SH3PXD2B: variants seen among roughly 807,000 people sequenced by gnomAD.
SH3PXD2B encodes SH3 and PX domains 2B.
A neutral mutation model predicts 73.1 loss-of-function variants in SH3PXD2B; 37 were observed. That is an observed-to-expected ratio of 0.51 (90% CI 0.39 to 0.67). The LOEUF is 0.67. Ranked by LOEUF, SH3PXD2B falls within the 30% of genes least tolerant of loss-of-function variation. The pLI is 0.00. For synonymous variants in SH3PXD2B, 457 were observed against 480.5 expected (o/e 0.95, Z 0.64); for missense variants, 1,053 against 1,197.8 (o/e 0.88, Z 1.78).
At chr5:172,384,039 G>T (rs534269051) in intron 4 of SH3PXD2B, among the ~76,000 whole-genome samples, 1 of 152,016 alleles carries the variant, frequency 6.6e-6, no homozygotes, top group Non-Finnish European at 1.5e-5. Context: ...TAGAGATGGG[G>T]TTTCACCATG....
downstream of SH3PXD2B, among the ~76,000 whole-genome samples, chr5:172,329,788 C>T (rs564146231): frequency 2.6e-5 from 4 of 152,230 alleles, no homozygotes; most frequent in East Asian, 1.9e-4. Context: ...CCGCCCGCCT[C>T]GGCCTCCCAA....
rs2339428 is a variant in SH3PXD2B at position 172,335,571 on chromosome 5, A to C, written c.*2798T>G. 1 of 1,231,616 alleles carries C rather than the reference A, an allele frequency of 8.1e-7. No individual in the cohort carries two copies. Among genetic ancestry groups the C allele is most frequent in the Non-Finnish European group, 1.0e-6 (1 of 987,992 alleles). The allele number at this position is 1,231,616 out of a possible 1,614,324, so 76.3% of individuals were successfully genotyped here. ...CTCACAGGCTTGCCGTAAGGATTAAAGGAGCGTGTGTGTTTAGGCACTGGT... is the reference window on the plus strand; with the variant it reads ...CTCACAGGCTTGCCGTAAGGATTAACGGAGCGTGTGTGTTTAGGCACTGGT... On this transcript the variant is annotated 3_prime_UTR_variant, in exon 13 of 13. Transcript: ENST00000311601.
At chr5:172,354,482 G>A (rs1445386225) in intron 8 of SH3PXD2B, among the ~76,000 whole-genome samples, 2 of 152,180 alleles carry the variant, frequency 1.3e-5, no homozygotes, top group East Asian at 3.8e-4. Context: ...TGTGTCTTCA[G>A]CACTGGGCAT....
At position 172,338,136 on chromosome 5, in the gene SH3PXD2B, A is replaced by T. The variant is rs1007699060; in HGVS notation, c.*233T>A. ...GGCAGGGATGCTGACATGGACAGAA[A>T]GCAAAGGCTGTGGGTTCTGAGCCTC... On this transcript the variant is annotated 3_prime_UTR_variant, in exon 13 of 13. Coordinates refer to ENST00000311601, the MANE Select transcript of SH3PXD2B (RefSeq NM_001017995.3). This position sits in a 1 kb window ranked among gnomAD's most constrained non-coding sequence, Gnocchi z 5.1. 4.2e-6 allele frequency: 6 copies of T among 1,431,826 alleles called. No individual in the cohort carries two copies. Among genetic ancestry groups the T allele is most frequent in the Non-Finnish European group, 5.5e-6 (6 of 1,098,918 alleles). 88.7% of individuals were successfully genotyped at this position (1,431,826 alleles called of 1,614,324 possible). A position where few individuals can be genotyped will look rare whatever the true frequency, so the allele number is the denominator to read the frequency against.
Position 172,333,565 on chromosome 5 carries a change from A to T in SH3PXD2B, c.*4804T>A, listed in dbSNP as rs12033. 44 of 1,176,950 alleles carry T rather than the reference A, an allele frequency of 3.7e-5. No individual in the cohort carries two copies. The African/African-American group carries it at 7.0e-4, about 19-fold the overall frequency. 72.9% of individuals were successfully genotyped at this position (1,176,950 alleles called of 1,614,324 possible). A position where few individuals can be genotyped will look rare whatever the true frequency, so the allele number is the denominator to read the frequency against. ...TAAAAAAAAAAAAAGGAAAGAAGTC[A>T]AATGGTAAAGTATATAGCCTACACA... On this transcript the variant is annotated 3_prime_UTR_variant, in exon 13 of 13. Coordinates refer to ENST00000311601, the MANE Select transcript of SH3PXD2B (RefSeq NM_001017995.3).
intron 1 of SH3PXD2B, among the ~76,000 whole-genome samples, chr5:172,429,810 G>T (rs1207154780): frequency 6.6e-6 from 1 of 152,166 alleles, no homozygotes; most frequent in Admixed American, 6.5e-5. Context: ...GCAGAGCAGG[G>T]ACTCTAACCT....
At chr5:172,408,468 A>C (rs531979668) in intron 2 of SH3PXD2B, among the ~76,000 whole-genome samples, 1 of 148,170 alleles carries the variant, frequency 6.7e-6, no homozygotes, top group East Asian at 2.0e-4. Flanking sequence ...GGCTTTTGCC[A>C]TGTTGCTCAG....
At chr5:172,350,270 G>A (rs565326782) in intron 10 of SH3PXD2B, 93 bp downstream of exon 10, 4 of 1,262,840 alleles carry the variant, frequency 3.2e-6, no homozygotes, top group Non-Finnish European at 3.4e-6. Flanking sequence ...CAGCTGGGCT[G>A]CTGTGAGGAT....
chr5:172,335,553 G>T lies in SH3PXD2B; in HGVS notation c.*2816C>A. 1 of 1,231,666 alleles carries T rather than the reference G, an allele frequency of 8.1e-7. No individual in the cohort carries two copies. Among genetic ancestry groups the T allele is most frequent in the Admixed American group, 4.2e-5 (1 of 23,720 alleles). The allele number at this position is 1,231,666 out of a possible 1,614,324, so 76.3% of individuals were successfully genotyped here. ...AGGGCTGGTCCTATCCGCCTCACAG[G>T]CTTGCCGTAAGGATTAAAGGAGCGT... On this transcript the variant is annotated 3_prime_UTR_variant, in exon 13 of 13. Transcript: ENST00000311601.
chr5:172,346,048 G>C (rs1756990021), intron 12 of SH3PXD2B, 88 bp downstream of exon 12: 1 of 1,598,494 alleles, frequency 6.3e-7, no homozygotes, highest in African/African-American at 1.3e-5. Flanking sequence ...CACCCACCCA[G>C]TGAAGTAGGA....
chr5:172,411,979 C>T (rs1288817818), intron 2 of SH3PXD2B, among the ~76,000 whole-genome samples: 1 of 152,104 alleles, frequency 6.6e-6, no homozygotes, highest in Admixed American at 6.5e-5. Flanking sequence ...TCTCCCTCCC[C>T]CTGGGCCCTG....
intron 12 of SH3PXD2B, among the ~76,000 whole-genome samples, chr5:172,327,688 A>C: frequency 6.6e-6 from 1 of 151,788 alleles, no homozygotes. Flanking sequence ...TCCTGGGCTC[A>C]AGGGACCCTC....
downstream of SH3PXD2B, among the ~76,000 whole-genome samples, chr5:172,329,034 T>TATATATAC (rs199732922): frequency 0.011 from 824 of 71,968 alleles, 11 homozygotes; most frequent in African/African-American, 0.024. Flanking sequence ...TACATATACG[T>TATATATAC]ATATATATGT....
rs1216073742 is a variant in SH3PXD2B at position 172,353,820 on chromosome 5, T to TGTGACCCCAAACCCACCCAGC, written c.785+47_785+67dup. ...CCGACCTCTGTGAGGCCAGAGTCCC[T>TGTGACCCCAAACCCACCCAGC]GTGACCCCAAACCCACCCAGCGTGA... On this transcript the variant is annotated intron_variant, in intron 9 of 12. Coordinates refer to ENST00000311601, the MANE Select transcript of SH3PXD2B (RefSeq NM_001017995.3). The surrounding 1 kb of genome is among the most constrained non-coding windows in gnomAD (Gnocchi z 4.3). 121 of 1,270,244 alleles carry TGTGACCCCAAACCCACCCAGC rather than the reference T, an allele frequency of 9.5e-5. 1 individual carries two copies. The highest frequency in any genetic ancestry group is 7.8e-4 in the South Asian group (66 of 84,250). 78.7% of individuals were successfully genotyped at this position (1,270,244 alleles called of 1,614,324 possible).
In SH3PXD2B at chr5:172,333,582, G is replaced by T. The variant is rs543323615; in HGVS notation, c.*4787C>A. 3 of 1,255,162 alleles carry T rather than the reference G, an allele frequency of 2.4e-6. No homozygotes were observed. The Admixed American group carries it at 8.6e-5, about 36-fold the overall frequency. The allele number at this position is 1,255,162 out of a possible 1,614,324, so 77.8% of individuals were successfully genotyped here. On this transcript the variant is annotated 3_prime_UTR_variant, in exon 13 of 13. Coordinates refer to ENST00000311601, the MANE Select transcript of SH3PXD2B (RefSeq NM_001017995.3). ...AAGAAGTCAAATGGTAAAGTATATA[G>T]CCTACACATGCTACAGCTAGTTGTT...
At position 172,446,510 on chromosome 5, in the gene SH3PXD2B, C is replaced by A. The variant is rs1413965739; in HGVS notation, c.75+7768G>T. Among the ~76,000 whole-genome samples the A allele has an allele frequency of 4.6e-5, 7 of 152,308 alleles. No individual in the cohort carries two copies. The East Asian group carries it at 1.4e-3, about 30-fold the overall frequency. On this transcript the variant is annotated intron_variant, in intron 1 of 12. Coordinates refer to ENST00000311601, the MANE Select transcript of SH3PXD2B (RefSeq NM_001017995.3). ...GACTGCTCCCCTGACATTCCCGCTA[C>A]CACAGCTCTTTCTCCGAGGAAAAAA...
chr5:172,414,490 G>A (rs1032577881), intron 2 of SH3PXD2B, among the ~76,000 whole-genome samples: 1 of 151,330 alleles, frequency 6.6e-6, no homozygotes, highest in South Asian at 2.1e-4. Context: ...AAAAGAAGGG[G>A]ATGGGTCAGT....
intron 3 of SH3PXD2B, among the ~76,000 whole-genome samples, chr5:172,402,527 C>T (rs900972603): frequency 9.8e-5 from 15 of 152,310 alleles, no homozygotes; most frequent in South Asian, 4.1e-4. Context: ...CAGGGCATCA[C>T]GGAACCTGCC....
intron 4 of SH3PXD2B, among the ~76,000 whole-genome samples, chr5:172,383,266 A>T (rs1296055369): frequency 1.3e-5 from 2 of 152,178 alleles, no homozygotes; most frequent in African/African-American, 4.8e-5. Context: ...CAGATCTTCC[A>T]CTGGCCAAAT....
Sources: gnomAD v4.1 joint callset for allele counts (sites outside exome capture counted in the v4.1 genomes callset) on GRCh38, gnomAD v4.1.1 for gene constraint, Gnocchi (gnomAD v3.1) non-coding constraint, MANE v1.5 for transcripts, NCBI Gene and HGNC (gene_info 2026-07-23, HGNC 2026-07-21) for gene names.